AMBRA1: variants seen among roughly 807,000 people sequenced by gnomAD.
AMBRA1 encodes the protein activating molecule in BECN1-regulated autophagy protein 1.
A neutral mutation model predicts 125.4 loss-of-function variants in AMBRA1; 47 were observed. That is an observed-to-expected ratio of 0.37 (90% CI 0.30 to 0.48). The LOEUF (loss-of-function observed/expected upper bound fraction) is 0.48. AMBRA1 is among the 20% of genes least tolerant of loss of function. AMBRA1 has a pLI of 0.99. For missense variants in AMBRA1, 1,331 were observed against 1,693.4 expected, an observed-to-expected ratio of 0.79 and a Z score of 3.76; for synonymous variants, 626 against 655.5, an observed-to-expected ratio of 0.95 and a Z score of 0.69.
rs1202658007 is a variant in AMBRA1 at position 46,542,540 on chromosome 11, C to T, written c.1477G>A (p.Gly493Ser). The part of the protein sequence containing the change: ...GGNGSSQNNS[G>S]SIRHELQCDL... Reference sequence around the variant, plus strand: ...CACTGAAGCTCATGGCGAATGCTGCCCGAGTTGTTTTGGCTGGAGCCATTC... The same window carrying T: ...CACTGAAGCTCATGGCGAATGCTGCTCGAGTTGTTTTGGCTGGAGCCATTC... The change falls in exon 7 of 18, where the codon GGC (glycine) becomes AGC (serine). Residue 493 changes from glycine (G) to serine (S), a missense_variant. By Grantham distance (56) the Gly-to-Ser change is moderately conservative. This residue lies in a region of AMBRA1 where 689 missense variants were observed against 776.5 expected (regional missense o/e 0.89). Coordinates refer to ENST00000683756, the MANE Select transcript of AMBRA1 (RefSeq NM_001387011.1). This position sits in a 1 kb window ranked among gnomAD's most constrained non-coding sequence, Gnocchi z 5.9. 6.2e-7 allele frequency: 1 copy of T among 1,613,142 alleles called. No individual in the cohort carries two copies. The highest frequency in any genetic ancestry group is 1.7e-5 in the Admixed American group (1 of 60,024).
At chr11:46,543,871 G>T in intron 6 of AMBRA1, 104 bp downstream of exon 6, 1 of 936,008 alleles carries the variant, frequency 1.1e-6, no homozygotes, top group South Asian at 1.5e-5. Context: ...GGAAAGATAA[G>T]ACTTGGGTAT....
chr11:46,560,195 A>C (rs1187943743), intron 1 of AMBRA1, among the ~76,000 whole-genome samples: 1 of 152,208 alleles, frequency 6.6e-6, no homozygotes. Context: ...CCAGAAATAA[A>C]CTGTCAACAG....
intron 1 of AMBRA1, among the ~76,000 whole-genome samples, chr11:46,574,782 C>G (rs1247698299): frequency 6.6e-6 from 1 of 152,220 alleles, no homozygotes; most frequent in Non-Finnish European, 1.5e-5. Flanking sequence ...GAAGACTCTG[C>G]TTTCTCCATC....
rs774527865 is a variant in AMBRA1, at chr11:46,508,276, G to A, written c.2254C>T (p.Arg752Cys). ...GAGGAGGAGGTGGAAGAACGGAGAC[G>A]GTTCTGTTGGTAGCGCATGGAGCGC... is the stretch of plus-strand genomic sequence containing the variant. ...RQRSMRYQQNRLRSSTSSSSS... is the reference protein window; with the variant it reads ...RQRSMRYQQNCLRSSTSSSSS... The change falls in exon 9 of 18, where the codon CGT becomes TGT. Residue 752 changes from arginine (R) to cysteine (C), a missense_variant. This residue lies in a region of AMBRA1 where 689 missense variants were observed against 776.5 expected (regional missense o/e 0.89). Coordinates refer to ENST00000683756, the MANE Select transcript of AMBRA1 (RefSeq NM_001387011.1). 10 of 1,614,080 alleles carry A rather than the reference G, an allele frequency of 6.2e-6. No individual in the cohort carries two copies. In the East Asian group the frequency reaches 8.9e-5, roughly 14 times the overall value.
At chr11:46,415,438 G>A (rs1174084120) in intron 15 of AMBRA1, among the ~76,000 whole-genome samples, 1 of 152,194 alleles carries the variant, frequency 6.6e-6, no homozygotes, top group Non-Finnish European at 1.5e-5. Flanking sequence ...TTTTAAAGGG[G>A]TTTTTGAGTG....
At chr11:46,557,849 G>C (rs1430745206) in intron 1 of AMBRA1, among the ~76,000 whole-genome samples, 1 of 152,142 alleles carries the variant, frequency 6.6e-6, no homozygotes, top group Non-Finnish European at 1.5e-5. Flanking sequence ...ATGCATGCCT[G>C]TACTAACAGC....
chr11:46,570,911 G>A (rs913108776), intron 1 of AMBRA1, among the ~76,000 whole-genome samples: 33 of 151,652 alleles, frequency 2.2e-4, no homozygotes, highest in Non-Finnish European at 4.4e-5. Flanking sequence ...ATAGAGAACT[G>A]GAAAAAAAAT....
At chr11:46,517,023 C>T (rs1951520321) in intron 7 of AMBRA1, among the ~76,000 whole-genome samples, 1 of 152,084 alleles carries the variant, frequency 6.6e-6, no homozygotes, top group Non-Finnish European at 1.5e-5. Flanking sequence ...ATTTTATACA[C>T]CACTGGTGTC....
At chr11:46,465,759 C>T (rs998419659) in intron 11 of AMBRA1, among the ~76,000 whole-genome samples, 8 of 152,162 alleles carry the variant, frequency 5.3e-5, no homozygotes, top group African/African-American at 1.9e-4. Context: ...TAGTGATGCT[C>T]ATGATAAATT....
intron 3 of AMBRA1, among the ~76,000 whole-genome samples, chr11:46,547,584 G>C (rs2042863876): frequency 1.3e-5 from 2 of 152,166 alleles, no homozygotes; most frequent in African/African-American, 4.8e-5. Context: ...GCAAATGATT[G>C]TTATTGAGAA....
At chr11:46,428,586 C>CTT in intron 14 of AMBRA1, 4 of 1,225,246 alleles carry the variant, frequency 3.3e-6, no homozygotes, top group Non-Finnish European at 4.6e-6. Flanking sequence ...TCTTCTTCTT[C>CTT]TTCTTCTTTT....
chr11:46,533,094 T>G (rs539657855), intron 7 of AMBRA1, among the ~76,000 whole-genome samples: 1 of 151,828 alleles, frequency 6.6e-6, no homozygotes, highest in Admixed American at 6.6e-5. Context: ...GCCCCAGAGG[T>G]GGAGGATGCA....
intron 1 of AMBRA1, among the ~76,000 whole-genome samples, chr11:46,581,214 T>C (rs1591182869): frequency 6.6e-6 from 1 of 152,136 alleles, no homozygotes; most frequent in East Asian, 1.9e-4. Context: ...GGCTCACACC[T>C]GTAATCCCGG....
Position 46,397,666 on chromosome 11 carries a change from GC to G in AMBRA1, c.3680del (p.Ser1227ThrfsTer46). 6.2e-7 allele frequency: 1 copy of G among 1,613,294 alleles called. No homozygotes were observed. On this transcript the variant is annotated frameshift_variant, in exon 18 of 18. Coordinates refer to ENST00000683756, the MANE Select transcript of AMBRA1 (RefSeq NM_001387011.1). LOFTEE classifies it high-confidence loss of function. ...EAGQLAERGL[S>X]PRTASWDQPG... ...GCTGGTCCCAGGAAGCTGTCCGGGGGCTTAGGCCTCGCTCTGCCAGTTGCCC... is the reference window on the plus strand; with the variant it reads ...GCTGGTCCCAGGAAGCTGTCCGGGGGTTAGGCCTCGCTCTGCCAGTTGCCC...
At chr11:46,460,832 A>T (rs1193172322) in intron 11 of AMBRA1, among the ~76,000 whole-genome samples, 1 of 152,154 alleles carries the variant, frequency 6.6e-6, no homozygotes, top group Non-Finnish European at 1.5e-5. Flanking sequence ...CACATCTGTA[A>T]TCCCAACACT....
chr11:46,494,856 A>G (rs1590950072), intron 9 of AMBRA1: 1 of 152,334 alleles, frequency 6.6e-6, no homozygotes. Context: ...GACTGTTAAC[A>G]GTCCATGCAA....
chr11:46,437,292 G>A (rs748366515), intron 12 of AMBRA1, among the ~76,000 whole-genome samples: 2 of 152,146 alleles, frequency 1.3e-5, no homozygotes, highest in South Asian at 2.1e-4. Flanking sequence ...ATATGATGAC[G>A]ATTCCAAGTC....
At chr11:46,573,912 G>A (rs1202113942) in intron 1 of AMBRA1, among the ~76,000 whole-genome samples, 7 of 142,322 alleles carry the variant, frequency 4.9e-5, no homozygotes, top group Non-Finnish European at 1.1e-4. Context: ...GAGAATATGC[G>A]GTGTTTGGTT....
chr11:46,491,028 G>A (rs540183642), intron 11 of AMBRA1: 15 of 152,120 alleles, frequency 9.9e-5, no homozygotes, highest in Non-Finnish European at 1.6e-4. Context: ...TTAATAAAAA[G>A]CAAAACATCT....
Sources: allele counts gnomAD v4.1 joint callset (sites outside exome capture counted in the v4.1 genomes callset), GRCh38; gene constraint gnomAD v4.1.1; regional missense constraint gnomAD v4.1.1; non-coding constraint Gnocchi (gnomAD v3.1); transcripts MANE v1.5; gene names NCBI Gene and HGNC (gene_info 2026-07-23, HGNC 2026-07-21).